OR51B5: variants seen among roughly 807,000 people sequenced by gnomAD.
OR51B5 encodes the protein olfactory receptor 51B5.
For missense variants in OR51B5, 456 were observed against 374.6 expected (o/e 1.22, Z -1.79); for synonymous variants, 186 against 144.8 (o/e 1.28, Z -2.04).
chr11:5,505,454 T>A, intron 1 of OR51B5: 1 of 1,302,926 alleles, frequency 7.7e-7, no homozygotes, highest in Non-Finnish European at 1.0e-6. Flanking sequence ...AACTATCCCC[T>A]AATGGGGAGT....
chr11:5,422,963 A>G, intron 1 of OR51B5: 3 of 1,614,022 alleles, frequency 1.9e-6, no homozygotes, highest in Non-Finnish European at 2.5e-6. Context: ...GGTCCTCTAC[A>G]TTCCCATGGT....
intron 1 of OR51B5, among the ~76,000 whole-genome samples, chr11:5,488,107 A>G (rs1851522618): frequency 6.6e-6 from 1 of 152,206 alleles, no homozygotes; most frequent in Non-Finnish European, 1.5e-5. Flanking sequence ...GAAGTTGTCA[A>G]AATGTCTAGG....
At chr11:5,453,463 G>A (rs549065495) in intron 1 of OR51B5, 4 of 1,487,698 alleles carry the variant, frequency 2.7e-6, no homozygotes, top group Non-Finnish European at 3.6e-6. Flanking sequence ...ATCTGACTCT[G>A]AAAAGTACCC....
intron 1 of OR51B5, chr11:5,441,055 T>A (rs770799280): frequency 2.5e-6 from 4 of 1,613,980 alleles, no homozygotes; most frequent in East Asian, 2.2e-5. Context: ...GTGGTGAAAC[T>A]CTTGGTAAGG....
intron 1 of OR51B5, chr11:5,352,061 T>A: frequency 2.5e-6 from 4 of 1,614,096 alleles, no homozygotes; most frequent in Non-Finnish European, 3.4e-6. Context: ...GTCATCAAGC[T>A]AGCCTGTGCT....
chr11:5,365,709 C>T (rs1026793829), intron 1 of OR51B5, among the ~76,000 whole-genome samples: 4 of 152,152 alleles, frequency 2.6e-5, no homozygotes, highest in Non-Finnish European at 4.4e-5. Flanking sequence ...CAAACTGATA[C>T]ATTTAAATTG....
chr11:5,472,705 C>T (rs1021909502), intron 1 of OR51B5, among the ~76,000 whole-genome samples: 3 of 152,194 alleles, frequency 2.0e-5, no homozygotes, highest in African/African-American at 7.2e-5. Flanking sequence ...TTTTCAGCTC[C>T]TCATTTTGTA....
At chr11:5,462,226 T>C (rs916139092) in intron 1 of OR51B5, among the ~76,000 whole-genome samples, 4 of 152,190 alleles carry the variant, frequency 2.6e-5, no homozygotes, top group South Asian at 2.1e-4. Flanking sequence ...AGAATAATTA[T>C]AGTAGGATGA....
intron 1 of OR51B5, among the ~76,000 whole-genome samples, chr11:5,486,740 C>T (rs2133811944): frequency 6.6e-6 from 1 of 152,284 alleles, no homozygotes; most frequent in Admixed American, 6.5e-5. Context: ...CACAGCCCTG[C>T]ACTGGCTGAT....
intron 1 of OR51B5, chr11:5,454,536 A>T: frequency 1.1e-6 from 1 of 925,218 alleles, no homozygotes; most frequent in Non-Finnish European, 1.6e-6. Flanking sequence ...CGGGAAAAGT[A>T]GGCCAGGAGA....
chr11:5,399,730 G>A lies in OR51B5; in HGVS notation n.85-52820C>T, dbSNP rs2647562. Among the ~76,000 whole-genome samples, 308 of 151,194 alleles carry A rather than the reference G, an allele frequency of 2.0e-3. 1 individual carries two copies. The highest frequency in any genetic ancestry group is 7.1e-3 in the African/African-American group (290 of 41,070). ...CAAGGAGATCTGACCCTTATCTGGCGGTAGAGACTCTGGAGATGGAAACTG... is the reference window on the plus strand; with the variant it reads ...CAAGGAGATCTGACCCTTATCTGGCAGTAGAGACTCTGGAGATGGAAACTG... On this transcript the variant is annotated intron_variant and non_coding_transcript_variant, in intron 1 of 4. Transcript: ENST00000415970.
intron 1 of OR51B5, chr11:5,393,079 C>G (rs1849821044): frequency 6.6e-6 from 1 of 152,174 alleles, no homozygotes; most frequent in Non-Finnish European, 1.5e-5. Flanking sequence ...AGAAATGCCA[C>G]TTCTAAAAAT....
intron 1 of OR51B5, among the ~76,000 whole-genome samples, chr11:5,486,933 A>T (rs1332000100): frequency 6.6e-6 from 1 of 152,194 alleles, no homozygotes. Context: ...CAATGCAAAT[A>T]AAGGGGACTT....
chr11:5,501,557 C>G (rs1846291757), intron 1 of OR51B5, among the ~76,000 whole-genome samples: 1 of 147,722 alleles, frequency 6.8e-6, no homozygotes, highest in African/African-American at 2.4e-5. Context: ...AGCTTGACCA[C>G]ACTGGCTTCT....
chr11:5,388,977 T>G (rs2133727250), intron 1 of OR51B5, among the ~76,000 whole-genome samples: 1 of 152,242 alleles, frequency 6.6e-6, no homozygotes, highest in African/African-American at 2.4e-5. Flanking sequence ...GTACAGATGT[T>G]GCTAGAGTCT....
intron 1 of OR51B5, among the ~76,000 whole-genome samples, chr11:5,473,069 A>G (rs1851252520): frequency 6.6e-6 from 1 of 152,240 alleles, no homozygotes; most frequent in Non-Finnish European, 1.5e-5. Context: ...TCATTAAGAA[A>G]ATTAGTTGAT....
rs140538305 is a variant in OR51B5, at chr11:5,385,543, C to T, written n.85-38633G>A. ...GTACCTACCACATCTTAGACACTGT[C>T]AGGCTCCAGGGGCCTTTAGAGAATT... On this transcript the variant is annotated intron_variant and non_coding_transcript_variant, in intron 1 of 4. Coordinates refer to the OR51B5 transcript ENST00000415970. 2.9e-3 allele frequency: 443 copies of T among 152,208 alleles called. 1 individual carries two copies. Among genetic ancestry groups the T allele is most frequent in the African/African-American group, 0.01 (419 of 41,550 alleles). The allele number at this position is 152,208 out of a possible 1,614,324, so 9.4% of individuals were successfully genotyped here.
intron 1 of OR51B5, among the ~76,000 whole-genome samples, chr11:5,464,797 T>C (rs28764781): frequency 0.1 from 15,210 of 152,216 alleles, 926 homozygotes; most frequent in East Asian, 0.2. Context: ...TTTGGGTATA[T>C]ACCCAGTAAT....
At chr11:5,403,302 A>C (rs872165) in intron 1 of OR51B5, 61,535 of 471,448 alleles carry the variant, frequency 0.13, 4,935 homozygotes, top group African/African-American at 0.29. Flanking sequence ...TGGAGAAGGG[A>C]GGAAGAAGGC....
Sources: allele counts gnomAD v4.1 joint callset (sites outside exome capture counted in the v4.1 genomes callset), GRCh38; gene constraint gnomAD v4.1.1; transcripts MANE v1.5; gene names NCBI Gene and HGNC (gene_info 2026-07-23, HGNC 2026-07-21).